MREG: variants seen among roughly 807,000 people sequenced by gnomAD.
MREG encodes the protein dilute suppressor protein homolog.
Under a neutral mutation model 28.5 loss-of-function variants are expected in MREG, and 31 were observed. The ratio of observed to expected loss-of-function variants is 1.09; its 90% CI spans 0.82 to 1.47. The LOEUF is 1.47. Among genes scored for constraint, MREG ranks in the 40% most tolerant of loss-of-function variants. MREG has a pLI of 0.00. For synonymous variants in MREG, 106 were observed against 95.2 expected, an observed-to-expected ratio of 1.11 and a Z score of -0.66; for missense variants, 256 against 257.4, an observed-to-expected ratio of 0.99 and a Z score of 0.04.
chr2:215,987,343 T>A (rs1693599531), intron 2 of MREG, among the ~76,000 whole-genome samples: 1 of 12,522 alleles, frequency 8.0e-5, no homozygotes, highest in Non-Finnish European at 1.7e-4. Flanking sequence ...CCTCCCAGGT[T>A]CAAAGCGATT....
intron 1 of MREG, among the ~76,000 whole-genome samples, chr2:216,007,690 G>A (rs1049190893): frequency 1.8e-4 from 27 of 151,306 alleles, no homozygotes; most frequent in Admixed American, 3.3e-4. Flanking sequence ...TTGGTCTTCC[G>A]AAGTGCTGGG....
chr2:215,953,714 C>T lies in MREG; in HGVS notation c.256-6601G>A, dbSNP rs73988059. Reference sequence around the variant, plus strand: ...CCTGAGACTCTGGGTCAATTCTCATCTGAAGTCAGACCTACTTCAGGAACT... The same window carrying T: ...CCTGAGACTCTGGGTCAATTCTCATTTGAAGTCAGACCTACTTCAGGAACT... On this transcript the variant is annotated intron_variant, in intron 2 of 4. Coordinates refer to ENST00000263268, the MANE Select transcript of MREG (RefSeq NM_018000.3). Among the ~76,000 whole-genome samples the T allele has an allele frequency of 9.1e-3, 1,387 of 152,334 alleles. 25 individuals are homozygous for T. Among genetic ancestry groups the T allele is most frequent in the African/African-American group, 0.031 (1,305 of 41,562 alleles).
intron 2 of MREG, among the ~76,000 whole-genome samples, chr2:215,954,432 T>C (rs1692564928): frequency 2.6e-5 from 3 of 114,760 alleles, no homozygotes; most frequent in African/African-American, 9.8e-5. Context: ...CTTATTGTAT[T>C]TGATCTGTGT....
At chr2:216,016,017 G>A (rs933040419), upstream of MREG, among the ~76,000 whole-genome samples, 1 of 152,198 alleles carries the variant, frequency 6.6e-6, no homozygotes, top group Non-Finnish European at 1.5e-5. Context: ...GTGTGAGGCT[G>A]AAGGGACTTA....
intron 1 of MREG, among the ~76,000 whole-genome samples, chr2:216,029,568 G>A (rs1049251400): frequency 6.6e-6 from 1 of 152,208 alleles, no homozygotes; most frequent in Non-Finnish European, 1.5e-5. Flanking sequence ...CTGCCTCCAG[G>A]CTGGCCCTTG....
At chr2:215,996,774 A>T (rs1471117012) in intron 1 of MREG, among the ~76,000 whole-genome samples, 1 of 112,602 alleles carries the variant, frequency 8.9e-6, no homozygotes, top group Non-Finnish European at 2.1e-5. Context: ...AGGAAATTCA[A>T]TTCTTTTTTT....
intron 2 of MREG, among the ~76,000 whole-genome samples, chr2:215,971,057 G>A (rs1393999487): frequency 2.0e-5 from 3 of 152,078 alleles, no homozygotes; most frequent in African/African-American, 7.2e-5. Context: ...AACACCACAT[G>A]TTCTGACTCA....
rs578147134 is a variant in MREG at position 215,985,436 on chromosome 2, A to G, written c.255+10870T>C. On this transcript the variant is annotated intron_variant, in intron 2 of 4. Coordinates refer to ENST00000263268, the MANE Select transcript of MREG (RefSeq NM_018000.3). ...CCACTACTTAGAGGTTTGCAAATGC[A>G]TCATTTCTTCTGCTGAAGGTCTGTT... is the stretch of plus-strand genomic sequence containing the variant. 2.0e-5 allele frequency among the ~76,000 whole-genome samples: 3 copies of G among 152,340 alleles called. 1 individual carries two copies. The South Asian group carries it at 6.2e-4, about 32-fold the overall frequency.
intron 2 of MREG, among the ~76,000 whole-genome samples, chr2:215,983,217 C>G (rs1574625641): frequency 6.6e-6 from 1 of 152,212 alleles, no homozygotes; most frequent in Non-Finnish European, 1.5e-5. Flanking sequence ...AGCCAATGTT[C>G]ACCCACTTCT....
chr2:215,951,096 G>A (rs1279221865), intron 2 of MREG, among the ~76,000 whole-genome samples: 1 of 152,042 alleles, frequency 6.6e-6, no homozygotes, highest in Non-Finnish European at 1.5e-5. Flanking sequence ...TAAGTTTCCT[G>A]AGGCCTCCCA....
chr2:215,971,833 T>G (rs2105990550), intron 2 of MREG, among the ~76,000 whole-genome samples: 1 of 152,090 alleles, frequency 6.6e-6, no homozygotes, highest in South Asian at 2.1e-4. Context: ...GAGGAACAGG[T>G]AGAGTGAGTA....
chr2:215,995,213 T>C lies in MREG; in HGVS notation c.255+1093A>G, dbSNP rs17309685. 7.9e-3 allele frequency among the ~76,000 whole-genome samples: 1,200 copies of C among 152,226 alleles called. 8 individuals are homozygous for C. Among genetic ancestry groups the C allele is most frequent in the African/African-American group, 0.017 (723 of 41,528 alleles). ...ATGGGCAGCCAGAGGTAGTGGGTGCTCGGTCACTAGTGGGATGCTACACAG... is the reference window on the plus strand; with the variant it reads ...ATGGGCAGCCAGAGGTAGTGGGTGCCCGGTCACTAGTGGGATGCTACACAG... On this transcript the variant is annotated intron_variant, in intron 2 of 4. Transcript: ENST00000263268.
intron 2 of MREG, among the ~76,000 whole-genome samples, chr2:215,972,632 A>G (rs1037441079): frequency 2.4e-4 from 36 of 152,248 alleles, no homozygotes; most frequent in Admixed American, 1.9e-3. Flanking sequence ...AAAAAAAAAA[A>G]AAAAAGGATA....
At position 215,943,039 on chromosome 2, in the gene MREG, T is replaced by C. The variant is rs1220553175; in HGVS notation, c.*1824A>G. The stretch of plus-strand genomic sequence containing the variant: ...ATAAATGGAGAACACGGATCTCGCC[T>C]ATGAAATATTTTAAACATTGTGGAC... On this transcript the variant is annotated 3_prime_UTR_variant, in exon 5 of 5. Coordinates refer to ENST00000263268, the MANE Select transcript of MREG (RefSeq NM_018000.3). 1 of 156,654 alleles carries C rather than the reference T, an allele frequency of 6.4e-6. No homozygotes were observed. Among genetic ancestry groups the C allele is most frequent in the Non-Finnish European group, 1.4e-5 (1 of 70,422 alleles). The allele number at this position is 156,654 out of a possible 1,614,324, so 9.7% of individuals were successfully genotyped here.
intron 1 of MREG, among the ~76,000 whole-genome samples, chr2:216,030,942 T>A (rs929251401): frequency 1.6e-4 from 10 of 61,304 alleles, no homozygotes; most frequent in South Asian, 1.4e-3. Flanking sequence ...TCTCTCTCTC[T>A]CTCTCTCTCT....
In MREG at chr2:215,943,690, A is replaced by C. The variant is rs930927962; in HGVS notation, c.*1173T>G. On this transcript the variant is annotated 3_prime_UTR_variant, in exon 5 of 5. Coordinates refer to ENST00000263268, the MANE Select transcript of MREG (RefSeq NM_018000.3). ...CCCCGTCTCTACTAAAAATACAAAA[A>C]ATTAGCCAGGTGTGGTGGCACGCGC... is the stretch of plus-strand genomic sequence containing the variant. 4 of 342,686 alleles carry C rather than the reference A, an allele frequency of 1.2e-5. No homozygotes were observed. The Admixed American group carries it at 1.5e-4, about 13-fold the overall frequency. The allele number at this position is 342,686 out of a possible 1,614,324, so 21.2% of individuals were successfully genotyped here.
chr2:215,946,978 C>G (rs1692340133), intron 3 of MREG, 45 bp downstream of exon 3: 1 of 1,114,458 alleles, frequency 9.0e-7, no homozygotes, highest in Admixed American at 1.9e-5. Flanking sequence ...GAATAATGAT[C>G]ACAACGAGTT....
intron 2 of MREG, among the ~76,000 whole-genome samples, chr2:215,971,723 T>C (rs796676353): frequency 1.1e-4 from 17 of 152,280 alleles, no homozygotes; most frequent in African/African-American, 4.1e-4. Flanking sequence ...TCCTTTCCTG[T>C]GTGTGTTACA....
At chr2:215,945,117 G>A in intron 4 of MREG, 120 bp from the exon 5 acceptor site, 1 of 1,041,098 alleles carries the variant, frequency 9.6e-7, no homozygotes, top group Non-Finnish European at 1.3e-6. Context: ...GAGCAAGTAA[G>A]ACGTTTATTA....
Sources: gnomAD v4.1 joint callset for allele counts (sites outside exome capture counted in the v4.1 genomes callset) on GRCh38, gnomAD v4.1.1 for gene constraint, MANE v1.5 for transcripts, NCBI Gene and HGNC (gene_info 2026-07-23, HGNC 2026-07-21) for gene names.